The following MTIF2 variants were observed in gnomAD, a reference collection of about 807,000 sequenced individuals.
MTIF2 encodes the protein translation initiation factor IF-2, mitochondrial.
A neutral mutation model predicts 83.5 loss-of-function variants in MTIF2; 71 were observed. The observed-to-expected ratio is 0.85, with a 90% confidence interval of 0.70 to 1.04. The LOEUF (loss-of-function observed/expected upper bound fraction) is 1.04. Among genes scored for constraint, MTIF2 ranks in the 50% least tolerant of loss-of-function variants. The pLI is 0.00. For synonymous variants in MTIF2, 319 were observed against 287.1 expected (o/e 1.11, Z -1.12); for missense variants, 957 against 846.5 (o/e 1.13, Z -1.62).
chr2:55,263,595 G>C (rs1678201477), intron 4 of MTIF2, 45 bp downstream of exon 4: 1 of 1,460,690 alleles, frequency 6.8e-7, no homozygotes, highest in Admixed American at 2.0e-5. Context: ...GGGTGACAGG[G>C]TGAGACTCCA....
chr2:55,259,388 G>C (rs926610585), intron 5 of MTIF2, among the ~76,000 whole-genome samples: 2 of 151,830 alleles, frequency 1.3e-5, no homozygotes, highest in African/African-American at 4.8e-5. Flanking sequence ...TCAGTTTGGG[G>C]TTTAGAGTAC....
chr2:55,243,769 G>C (rs1676494989), intron 11 of MTIF2, 101 bp from the exon 12 acceptor site: 2 of 1,217,698 alleles, frequency 1.6e-6, no homozygotes, highest in East Asian at 2.4e-5. Flanking sequence ...CTTAACTCAT[G>C]TATGAAACTA....
intron 10 of MTIF2, among the ~76,000 whole-genome samples, chr2:55,245,957 T>C (rs1283364815): frequency 6.6e-6 from 1 of 152,174 alleles, no homozygotes; most frequent in Non-Finnish European, 1.5e-5. Flanking sequence ...TTTCTGCGTA[T>C]TATATTAATG....
chr2:55,249,347 G>A (rs749673430), intron 9 of MTIF2, 48 bp downstream of exon 9: 1 of 1,602,500 alleles, frequency 6.2e-7, no homozygotes, highest in Non-Finnish European at 8.5e-7. Flanking sequence ...TGTGCATTAT[G>A]TACAGCATTC....
intron 12 of MTIF2, 35 bp from the exon 13 acceptor site, chr2:55,243,115 A>T: frequency 6.4e-7 from 1 of 1,563,044 alleles, no homozygotes; most frequent in Non-Finnish European, 8.6e-7. Context: ...TGTTGCTTTT[A>T]AGAGTTAGAC....
intron 5 of MTIF2, among the ~76,000 whole-genome samples, chr2:55,255,704 G>GA (rs1195822656): frequency 6.6e-6 from 1 of 151,280 alleles, no homozygotes; most frequent in Non-Finnish European, 1.5e-5. Flanking sequence ...ATAAAAATGT[G>GA]AAAAAAAGTG....
intron 10 of MTIF2, among the ~76,000 whole-genome samples, chr2:55,246,002 C>T (rs962879516): frequency 2.0e-5 from 3 of 152,148 alleles, no homozygotes; most frequent in Non-Finnish European, 4.4e-5. Flanking sequence ...CCCTAAAATG[C>T]AACCATTGGT....
intron 14 of MTIF2, among the ~76,000 whole-genome samples, chr2:55,238,086 C>G (rs1021106693): frequency 1.3e-5 from 2 of 152,152 alleles, no homozygotes; most frequent in African/African-American, 4.8e-5. Flanking sequence ...ATGGGTCACC[C>G]AGGCTGGAGT....
At chr2:55,264,243 G>C (rs1393422089) in intron 3 of MTIF2, among the ~76,000 whole-genome samples, 4 of 151,868 alleles carry the variant, frequency 2.6e-5, no homozygotes, top group East Asian at 1.9e-4. Context: ...CTTCTTTTTT[G>C]AAACCGGGTC....
At chr2:55,246,097 C>T (rs1264584924) in intron 10 of MTIF2, among the ~76,000 whole-genome samples, 1 of 152,222 alleles carries the variant, frequency 6.6e-6, no homozygotes, top group Non-Finnish European at 1.5e-5. Context: ...AATTGAACTA[C>T]TTATGTCACC....
Position 55,246,338 on chromosome 2 carries a change from C to T in MTIF2, c.1105G>A (p.Gly369Ser). The T allele has an allele frequency of 6.2e-7, 1 of 1,612,740 alleles. No individual in the cohort carries two copies. The highest frequency in any genetic ancestry group is 8.5e-7 in the Non-Finnish European group (1 of 1,179,178). ...AGGCAAGCATTTTAAGAGTCCTACC[C>T]TCTTCCTTTGTCTGTGAAAGACTCT... ...VIESFTDKGR[G>S]LVTTAIIQRG... The change falls in exon 10 of 16, where the codon GGT becomes AGT. Residue 369 changes from glycine to serine, a missense_variant and splice_region_variant. Gly to Ser is a moderately conservative substitution (Grantham distance 56). Transcript: ENST00000263629.
intron 7 of MTIF2, among the ~76,000 whole-genome samples, chr2:55,253,435 T>G (rs1014767961): frequency 2.0e-5 from 3 of 152,074 alleles, no homozygotes; most frequent in Non-Finnish European, 4.4e-5. Context: ...TCCTAGCACT[T>G]TGGGAGGTCA....
At chr2:55,256,168 C>A (rs894434011) in intron 5 of MTIF2, among the ~76,000 whole-genome samples, 1 of 152,090 alleles carries the variant, frequency 6.6e-6, no homozygotes, top group Non-Finnish European at 1.5e-5. Flanking sequence ...AGCCACCATG[C>A]CCAGCAAGTA....
chr2:55,263,507 G>A (rs1362367163), intron 4 of MTIF2, 133 bp downstream of exon 4: 4 of 643,048 alleles, frequency 6.2e-6, no homozygotes, highest in African/African-American at 1.8e-5. Context: ...CTACTCAGGA[G>A]GCTGAGGCAG....
intron 13 of MTIF2, among the ~76,000 whole-genome samples, chr2:55,240,480 G>A (rs185164399): frequency 4.5e-4 from 68 of 152,218 alleles, no homozygotes; most frequent in African/African-American, 1.4e-3. Flanking sequence ...TCAGGAGGCC[G>A]AGACAGGAGA....
chr2:55,257,549 A>C (rs1677640882), intron 5 of MTIF2, among the ~76,000 whole-genome samples: 1 of 152,174 alleles, frequency 6.6e-6, no homozygotes, highest in Non-Finnish European at 1.5e-5. Flanking sequence ...CATCCTATTC[A>C]CTGGTATGCT....
chr2:55,243,987 CATTAT>C (rs1676512715), intron 11 of MTIF2, 37 bp downstream of exon 11: 17 of 1,455,224 alleles, frequency 1.2e-5, no homozygotes, highest in Non-Finnish European at 1.5e-5. Context: ...CATTTAAAAT[CATTAT>C]ATTATATCTA....
At chr2:55,264,494 C>G (rs911872616) in intron 3 of MTIF2, among the ~76,000 whole-genome samples, 1 of 152,182 alleles carries the variant, frequency 6.6e-6, no homozygotes, top group African/African-American at 2.4e-5. Context: ...TGGCCTCCCA[C>G]AGTGTTGAAA....
chr2:55,247,896 TA>T (rs1676820184), intron 9 of MTIF2, among the ~76,000 whole-genome samples: 1 of 152,092 alleles, frequency 6.6e-6, no homozygotes, highest in African/African-American at 2.4e-5. Flanking sequence ...TCAAATATTT[TA>T]ATTTTTTTTT....
Sources: allele counts gnomAD v4.1 joint callset (sites outside exome capture counted in the v4.1 genomes callset), GRCh38; gene constraint gnomAD v4.1.1; transcripts MANE v1.5; gene names NCBI Gene and HGNC (gene_info 2026-07-23, HGNC 2026-07-21).